LHFPL6: variants seen among roughly 807,000 people sequenced by gnomAD.
LHFPL6 encodes the protein LHFPL tetraspan subfamily member 6.
Under a neutral mutation model 20.6 loss-of-function variants are expected in LHFPL6, and 9 were observed. That is an observed-to-expected ratio of 0.44 (90% CI 0.26 to 0.76). The LOEUF (loss-of-function observed/expected upper bound fraction) is 0.76. Among genes scored for constraint, LHFPL6 ranks in the 30% least tolerant of loss-of-function variants. LHFPL6 has a pLI of 0.20. For synonymous variants in LHFPL6, 105 were observed against 98.7 expected, an observed-to-expected ratio of 1.06 and a Z score of -0.38; for missense variants, 218 against 253.5, an observed-to-expected ratio of 0.86 and a Z score of 0.95.
chr13:39,442,214 A>C (rs964186208), intron 2 of LHFPL6, among the ~76,000 whole-genome samples: 2 of 152,202 alleles, frequency 1.3e-5, no homozygotes, highest in African/African-American at 4.8e-5. Context: ...AAAATTAGGT[A>C]GTTGAAAAAT....
At chr13:39,381,928 A>C (rs1870447347) in intron 2 of LHFPL6, among the ~76,000 whole-genome samples, 1 of 152,096 alleles carries the variant, frequency 6.6e-6, no homozygotes, top group African/African-American at 2.4e-5. Context: ...ATCTGAACAC[A>C]GTTTGAACAG....
At chr13:39,426,547 C>T (rs1308518937) in intron 2 of LHFPL6, among the ~76,000 whole-genome samples, 3 of 152,096 alleles carry the variant, frequency 2.0e-5, no homozygotes, top group Non-Finnish European at 4.4e-5. Context: ...TATAAATTTG[C>T]CTATTCTAAA....
At position 39,571,675 on chromosome 13, in the gene LHFPL6, G is replaced by A. The variant is rs763108299; in HGVS notation, c.385+29157C>T. On this transcript the variant is annotated intron_variant, in intron 2 of 3. Coordinates refer to ENST00000379589, the MANE Select transcript of LHFPL6 (RefSeq NM_005780.3). ...ACACCGGCCCTTTGCCCTTGACGGCGGAGGGCAGCCACCCCACACAACAAG... is the reference window on the plus strand; with the variant it reads ...ACACCGGCCCTTTGCCCTTGACGGCAGAGGGCAGCCACCCCACACAACAAG... Among the ~76,000 whole-genome samples, 14 of 152,352 alleles carry A rather than the reference G, an allele frequency of 9.2e-5. No individual in the cohort carries two copies. The South Asian group carries it at 1.0e-3, about 11-fold the overall frequency.
chr13:39,524,164 C>T (rs1010324407), intron 2 of LHFPL6, among the ~76,000 whole-genome samples: 1 of 152,060 alleles, frequency 6.6e-6, no homozygotes, highest in Non-Finnish European at 1.5e-5. Flanking sequence ...AATGCCACTG[C>T]GCTCAAGAAG....
At chr13:39,547,512 T>C (rs971281938) in intron 2 of LHFPL6, among the ~76,000 whole-genome samples, 8 of 152,196 alleles carry the variant, frequency 5.3e-5, no homozygotes, top group African/African-American at 1.9e-4. Flanking sequence ...AAGGAACTGG[T>C]CTTAAATTCA....
In LHFPL6 at chr13:39,497,140, C is replaced by T. The variant is rs190345877; in HGVS notation, c.385+103692G>A. Among the ~76,000 whole-genome samples the T allele has an allele frequency of 9.8e-5, 15 of 152,296 alleles. No individual in the cohort carries two copies. In the East Asian group the frequency reaches 1.5e-3, roughly 16 times the overall value. ...AAACTACACTCAAAATCTACTAATG[C>T]GCTTTAAGCCAACCCCCACTTATTA... On this transcript the variant is annotated intron_variant, in intron 2 of 3. Transcript: ENST00000379589.
At chr13:39,577,898 C>T (rs1368273039) in intron 2 of LHFPL6, among the ~76,000 whole-genome samples, 1 of 152,044 alleles carries the variant, frequency 6.6e-6, no homozygotes, top group South Asian at 2.1e-4. Context: ...ACCTCAGCCA[C>T]CCAAAGTGCT....
chr13:39,581,857 G>A (rs1872297684), intron 2 of LHFPL6, among the ~76,000 whole-genome samples: 2 of 152,186 alleles, frequency 1.3e-5, no homozygotes, highest in Admixed American at 1.3e-4. Flanking sequence ...ACACAGCTAG[G>A]AGCTTGCCTT....
intron 2 of LHFPL6, among the ~76,000 whole-genome samples, chr13:39,536,079 T>C (rs1870608965): frequency 6.6e-6 from 1 of 152,188 alleles, no homozygotes. Flanking sequence ...ATCTAGTTGG[T>C]AAAATATCTG....
intron 2 of LHFPL6, among the ~76,000 whole-genome samples, chr13:39,389,547 G>A (rs1837375264): frequency 6.6e-6 from 1 of 152,102 alleles, no homozygotes; most frequent in African/African-American, 2.4e-5. Flanking sequence ...TGGTGGCCTA[G>A]GCAGGTCACT....
chr13:39,435,151 T>C (rs1462096343), intron 2 of LHFPL6, among the ~76,000 whole-genome samples: 1 of 146,652 alleles, frequency 6.8e-6, no homozygotes, highest in Admixed American at 6.8e-5. Flanking sequence ...AATATGCACA[T>C]AGAAAGATGA....
At chr13:39,508,078 T>C (rs1465195414) in intron 2 of LHFPL6, among the ~76,000 whole-genome samples, 1 of 151,784 alleles carries the variant, frequency 6.6e-6, no homozygotes, top group Non-Finnish European at 1.5e-5. Context: ...TAGAGTGCAA[T>C]GGCGCCATCT....
chr13:39,453,122 C>T (rs73175130), intron 2 of LHFPL6, among the ~76,000 whole-genome samples: 5,632 of 152,232 alleles, frequency 0.037, 163 homozygotes, highest in South Asian at 0.12. Context: ...CACAGAAGGC[C>T]GTTCTTTTTT....
chr13:39,563,180 T>A (rs1280725676), intron 2 of LHFPL6, among the ~76,000 whole-genome samples: 1 of 150,574 alleles, frequency 6.6e-6, no homozygotes, highest in East Asian at 1.9e-4. Context: ...ATGTTAAAAA[T>A]GTCTTTTTAA....
intron 2 of LHFPL6, among the ~76,000 whole-genome samples, chr13:39,443,904 T>C (rs1009088215): frequency 6.6e-6 from 1 of 151,650 alleles, no homozygotes; most frequent in African/African-American, 2.4e-5. Context: ...AATGTGAACA[T>C]TCTGAGCATG....
rs533657418 is a variant in LHFPL6, at chr13:39,343,024, G to T, written c.*912C>A. ...TACAATAATGGACAAAAGAAAACAC[G>T]ATCCAATGACTGGAAAATGTCTCTC... On this transcript the variant is annotated 3_prime_UTR_variant, in exon 4 of 4. Transcript: ENST00000379589. 5.2e-6 allele frequency: 1 copy of T among 194,032 alleles called. No homozygotes were observed. 12.0% of individuals were successfully genotyped at this position (194,032 alleles called of 1,614,324 possible). A position where few individuals can be genotyped will look rare whatever the true frequency, so the allele number is the denominator to read the frequency against.
intron 2 of LHFPL6, among the ~76,000 whole-genome samples, chr13:39,539,180 T>C (rs997622597): frequency 1.3e-5 from 2 of 152,208 alleles, no homozygotes; most frequent in South Asian, 4.1e-4. Flanking sequence ...GTTAACAGCA[T>C]GGCATTACCT....
intron 3 of LHFPL6, among the ~76,000 whole-genome samples, chr13:39,345,248 C>T (rs1869361113): frequency 6.6e-6 from 1 of 152,158 alleles, no homozygotes; most frequent in South Asian, 2.1e-4. Flanking sequence ...CGCAGTGGCT[C>T]ATGCCTGTAA....
At chr13:39,568,526 A>G (rs2138528069) in intron 2 of LHFPL6, among the ~76,000 whole-genome samples, 2 of 152,324 alleles carry the variant, frequency 1.3e-5, no homozygotes, top group Admixed American at 1.3e-4. Context: ...AAAAAAACCT[A>G]ACCCAAATAA....
Sources: gnomAD v4.1 joint callset for allele counts (sites outside exome capture counted in the v4.1 genomes callset) on GRCh38, gnomAD v4.1.1 for gene constraint, MANE v1.5 for transcripts, NCBI Gene and HGNC (gene_info 2026-07-23, HGNC 2026-07-21) for gene names.